The following MUSK variants were observed in gnomAD, a reference collection of about 807,000 sequenced individuals.
MUSK encodes the protein muscle associated receptor tyrosine kinase.
In MUSK, 55 loss-of-function variants were observed where a neutral mutation model predicts 88.7. That is an observed-to-expected ratio of 0.62 (90% confidence interval 0.50 to 0.78). MUSK has a LOEUF of 0.78. Ranked by LOEUF, MUSK falls within the 30% of genes least tolerant of loss-of-function variation. MUSK has a pLI of 0.00. For synonymous variants in MUSK, 387 were observed against 391.9 expected, an observed-to-expected ratio of 0.99 and a Z score of 0.15; for missense variants, 1,015 against 1,074.3, an observed-to-expected ratio of 0.94 and a Z score of 0.77.
At chr9:110,771,711 T>C (rs1464585303) in intron 9 of MUSK, among the ~76,000 whole-genome samples, 1 of 152,116 alleles carries the variant, frequency 6.6e-6, no homozygotes, top group Non-Finnish European at 1.5e-5. Flanking sequence ...ACAACTGCAG[T>C]ATCAAAAGGA....
intron 1 of MUSK, among the ~76,000 whole-genome samples, chr9:110,670,964 T>C (rs1037190993): frequency 2.0e-5 from 3 of 151,424 alleles, no homozygotes; most frequent in African/African-American, 7.3e-5. Flanking sequence ...TAAAATTTTA[T>C]TATTTTCATT....
rs758427621 is a variant in MUSK, at chr9:110,668,962, G to A, written c.58G>A (p.Gly20Arg). ...TATTCTTACTCTGGTTGCCTTCAGC[G>A]GAACTGAGAAACTTCCAAAAGGTTG... ...VHILTLVAFS[G>R]TEKLPKAPVI... The change falls in exon 1 of 15, where the codon GGA becomes AGA. Residue 20 changes from glycine (G) to arginine (R), a missense_variant. Coordinates refer to ENST00000374448, the MANE Select transcript of MUSK (RefSeq NM_005592.4). 1.1e-5 allele frequency: 17 copies of A among 1,613,558 alleles called. No homozygotes were observed. The Admixed American group carries it at 1.2e-4, about 11-fold the overall frequency.
intron 3 of MUSK, among the ~76,000 whole-genome samples, chr9:110,693,544 A>G (rs1294893559): frequency 6.6e-6 from 1 of 152,160 alleles, no homozygotes; most frequent in Non-Finnish European, 1.5e-5. Context: ...CTTTAAGGTG[A>G]CCAGTTCTGA....
chr9:110,778,971 G>T (rs1221308570), intron 11 of MUSK, among the ~76,000 whole-genome samples: 1 of 151,830 alleles, frequency 6.6e-6, no homozygotes, highest in Non-Finnish European at 1.5e-5. Context: ...ACATTTAAAT[G>T]AATACATGCT....
At chr9:110,791,182 C>T (rs1220950388) in intron 14 of MUSK, among the ~76,000 whole-genome samples, 3 of 150,822 alleles carry the variant, frequency 2.0e-5, no homozygotes, top group Admixed American at 6.6e-5. Context: ...GTGATTTCTG[C>T]ATTTCCATCT....
At position 110,802,361 on chromosome 9, in the gene MUSK, C is replaced by T. The variant is rs2078108257; in HGVS notation, c.*1373C>T. ...TTCTGATATAGCAGGAACCCAAATT[C>T]TCCTGAAAACGAACAGGGAAGAGAA... On this transcript the variant is annotated 3_prime_UTR_variant, in exon 15 of 15. Transcript: ENST00000374448. Among the ~76,000 whole-genome samples, 1 of 152,078 alleles carries T rather than the reference C, an allele frequency of 6.6e-6. No individual in the cohort carries two copies. Among genetic ancestry groups the T allele is most frequent in the Non-Finnish European group, 1.5e-5 (1 of 68,016 alleles).
intron 5 of MUSK, among the ~76,000 whole-genome samples, chr9:110,721,218 T>C (rs2076807260): frequency 6.6e-6 from 1 of 152,062 alleles, no homozygotes; most frequent in South Asian, 2.1e-4. Flanking sequence ...CTATTCAACA[T>C]AGTACTGGAA....
chr9:110,760,306 A>G (rs533276129), intron 7 of MUSK, among the ~76,000 whole-genome samples: 15 of 152,360 alleles, frequency 9.8e-5, no homozygotes, highest in African/African-American at 3.1e-4. Context: ...ATGTGGAATC[A>G]ACCTAAATGC....
chr9:110,701,708 T>C (rs375543708), intron 5 of MUSK, among the ~76,000 whole-genome samples: 38 of 104 alleles, frequency 0.37, 3 homozygotes, highest in Admixed American at 0.5. Context: ...TATTTTATTT[T>C]ATTTTATTTT....
intron 6 of MUSK, among the ~76,000 whole-genome samples, chr9:110,747,028 G>A (rs2077181904): frequency 2.6e-5 from 4 of 152,158 alleles, no homozygotes; most frequent in Admixed American, 2.6e-4. Flanking sequence ...GCCTTGTATT[G>A]GTTATCTATG....
At chr9:110,769,138 A>G (rs1481646604) in intron 9 of MUSK, among the ~76,000 whole-genome samples, 1 of 152,174 alleles carries the variant, frequency 6.6e-6, no homozygotes, top group South Asian at 2.1e-4. Flanking sequence ...CTAGATAGAC[A>G]TTGTTATTCC....
intron 5 of MUSK, among the ~76,000 whole-genome samples, chr9:110,714,092 A>G (rs2076713464): frequency 6.6e-6 from 1 of 152,188 alleles, no homozygotes; most frequent in African/African-American, 2.4e-5. Context: ...TCCCATCAAA[A>G]ACAGAAAATG....
intron 3 of MUSK, among the ~76,000 whole-genome samples, chr9:110,689,901 A>C: frequency 1.2e-5 from 1 of 80,706 alleles, no homozygotes; most frequent in Non-Finnish European, 2.3e-5. Context: ...AATTATATAA[A>C]TATACATAAA....
intron 9 of MUSK, among the ~76,000 whole-genome samples, chr9:110,772,830 G>T (rs1454478260): frequency 6.6e-6 from 1 of 151,740 alleles, no homozygotes; most frequent in Non-Finnish European, 1.5e-5. Context: ...TCATTTTTTT[G>T]TTATATCTTT....
Position 110,770,159 on chromosome 9 carries a change from C to T in MUSK, c.1184+2076C>T, listed in dbSNP as rs558964330. Reference sequence around the variant, plus strand: ...TCTTTATAATTAATTTCAATTTGTGCTACGAATTTCGCAGGTTTTCATCTT... The same window carrying T: ...TCTTTATAATTAATTTCAATTTGTGTTACGAATTTCGCAGGTTTTCATCTT... On this transcript the variant is annotated intron_variant, in intron 9 of 14. Transcript: ENST00000374448. Among the ~76,000 whole-genome samples the T allele has an allele frequency of 2.6e-5, 4 of 151,288 alleles. No individual in the cohort carries two copies. In the South Asian group the frequency reaches 8.3e-4, roughly 31 times the overall value.
At chr9:110,781,530 C>A (rs1228060556) in intron 11 of MUSK, among the ~76,000 whole-genome samples, 1 of 152,196 alleles carries the variant, frequency 6.6e-6, no homozygotes, top group African/African-American at 2.4e-5. Flanking sequence ...CCCGCCTTAG[C>A]CTCCCAAAGT....
chr9:110,716,768 T>C (rs922791113), intron 5 of MUSK, among the ~76,000 whole-genome samples: 2 of 150,192 alleles, frequency 1.3e-5, no homozygotes, highest in African/African-American at 5.0e-5. Context: ...CTTAATTCTA[T>C]AAGTTTAGGC....
intron 5 of MUSK, among the ~76,000 whole-genome samples, chr9:110,729,003 A>G (rs1456548902): frequency 6.6e-6 from 1 of 151,996 alleles, no homozygotes; most frequent in African/African-American, 2.4e-5. Flanking sequence ...ATAAATCAGC[A>G]TGAGAGTATA....
chr9:110,726,969 T>C (rs960503183), intron 5 of MUSK, among the ~76,000 whole-genome samples: 1 of 152,006 alleles, frequency 6.6e-6, no homozygotes, highest in East Asian at 1.9e-4. Context: ...GTTTTAAATA[T>C]GAAAGAAACT....
Sources: gnomAD v4.1 joint callset for allele counts (sites outside exome capture counted in the v4.1 genomes callset) on GRCh38, gnomAD v4.1.1 for gene constraint, MANE v1.5 for transcripts, NCBI Gene and HGNC (gene_info 2026-07-23, HGNC 2026-07-21) for gene names.